KIAA1217: variants seen among roughly 807,000 people sequenced by gnomAD.
KIAA1217 encodes the protein KIAA1217.
KIAA1217 carries 88 observed loss-of-function variants against 163.9 expected under a neutral mutation model. That is an observed-to-expected ratio of 0.54 (90% CI 0.45 to 0.64). KIAA1217 has a LOEUF of 0.64. Ranked by LOEUF, KIAA1217 falls within the 30% of genes least tolerant of loss-of-function variation. The probability of loss-of-function intolerance (pLI) is 0.00; values close to 1 mark genes in which losing one functional copy is unlikely to be tolerated. For synonymous variants in KIAA1217, 903 were observed against 923.1 expected, an observed-to-expected ratio of 0.98 and a Z score of 0.39; for missense variants, 2,372 against 2,475.0, an observed-to-expected ratio of 0.96 and a Z score of 0.88.
intron 2 of KIAA1217, among the ~76,000 whole-genome samples, chr10:24,135,559 G>A (rs1378620839): frequency 1.3e-5 from 2 of 152,116 alleles, no homozygotes; most frequent in African/African-American, 2.4e-5. Flanking sequence ...ATGTTATTCC[G>A]GTGTGATCAC....
intron 2 of KIAA1217, among the ~76,000 whole-genome samples, chr10:24,286,843 A>C (rs1246014970): frequency 2.0e-5 from 3 of 152,074 alleles, no homozygotes; most frequent in Admixed American, 2.0e-4. Flanking sequence ...GACAAACAAA[A>C]ATACCCACAC....
intron 1 of KIAA1217, among the ~76,000 whole-genome samples, chr10:23,795,690 T>A (rs921303900): frequency 2.0e-5 from 3 of 152,174 alleles, no homozygotes; most frequent in Admixed American, 6.5e-5. Flanking sequence ...AGGTTTGGCC[T>A]ACAGGCATGA....
chr10:24,213,198 G>A (rs560921218), intron 1 of KIAA1217, among the ~76,000 whole-genome samples: 1 of 152,284 alleles, frequency 6.6e-6, no homozygotes, highest in Non-Finnish European at 1.5e-5. Flanking sequence ...TGCGGAGTAG[G>A]CACTCAACAA....
At chr10:23,878,083 G>T (rs1840776952) in intron 1 of KIAA1217, among the ~76,000 whole-genome samples, 1 of 151,744 alleles carries the variant, frequency 6.6e-6, no homozygotes, top group Admixed American at 6.6e-5. Flanking sequence ...TTTTTTCTTG[G>T]CAGGGAGGCT....
intron 9 of KIAA1217, among the ~76,000 whole-genome samples, chr10:24,503,847 G>T (rs948478810): frequency 6.6e-6 from 1 of 152,122 alleles, no homozygotes. Context: ...TGGCCATTTC[G>T]AAATTGTTAC....
intron 1 of KIAA1217, among the ~76,000 whole-genome samples, chr10:23,986,610 A>T (rs1304937725): frequency 6.6e-6 from 1 of 152,124 alleles, no homozygotes; most frequent in African/African-American, 2.4e-5. Flanking sequence ...TTTGATCCAC[A>T]GTTGGTTGAG....
chr10:23,799,644 GTTTTGAGGGAATCCAATAAACTGCCTC>G (rs755816232), intron 1 of KIAA1217, among the ~76,000 whole-genome samples: 25 of 152,134 alleles, frequency 1.6e-4, no homozygotes, highest in South Asian at 4.1e-4. Flanking sequence ...AATTTCTGAT[GTTTTGAGGGAATCCAATAAACTGCCTC>G]TATAATTTGT....
chr10:24,486,439 C>G (rs12767001), intron 6 of KIAA1217, among the ~76,000 whole-genome samples: 31,389 of 152,140 alleles, frequency 0.21, 3,462 homozygotes, highest in South Asian at 0.37. Flanking sequence ...TCTGAAGTAT[C>G]CTGGTGTGGA....
chr10:23,918,769 T>C (rs1284831713), intron 1 of KIAA1217, among the ~76,000 whole-genome samples: 1 of 146,120 alleles, frequency 6.8e-6, no homozygotes, highest in African/African-American at 2.8e-5. Flanking sequence ...CACACACATA[T>C]ATAGTAAGTG....
In KIAA1217 at chr10:23,790,506, T is replaced by C. The variant is rs548565726; in HGVS notation, c.-321+95272T>C. Among the ~76,000 whole-genome samples, 21 of 113,764 alleles carry C rather than the reference T, an allele frequency of 1.8e-4. 2 individuals are homozygous for C. The South Asian group carries it at 4.6e-3, about 25-fold the overall frequency. 74.6% of individuals were successfully genotyped at this position (113,764 alleles called of 152,430 possible). ...ATATATACATATATACATGTGCATA[T>C]ATACATATGTATATATACATATATA... On this transcript the variant is annotated intron_variant, in intron 1 of 18. Transcript: ENST00000376462.
intron 1 of KIAA1217, among the ~76,000 whole-genome samples, chr10:23,739,859 G>A (rs1839011016): frequency 6.6e-6 from 1 of 152,162 alleles, no homozygotes; most frequent in African/African-American, 2.4e-5. Context: ...TGGGAGTTCA[G>A]CTCTAGATAT....
chr10:24,315,638 T>TG (rs1185283654), intron 2 of KIAA1217, among the ~76,000 whole-genome samples: 1 of 151,944 alleles, frequency 6.6e-6, no homozygotes, highest in Non-Finnish European at 1.5e-5. Context: ...CCCAGCACTT[T>TG]GGGAGGCTGA....
At chr10:24,161,010 C>CT (rs1026893162) in intron 2 of KIAA1217, among the ~76,000 whole-genome samples, 26 of 152,218 alleles carry the variant, frequency 1.7e-4, no homozygotes, top group Admixed American at 2.0e-4. Flanking sequence ...GAGTGCTTGA[C>CT]TTTTAGTTTC....
chr10:24,028,983 C>T (rs916231893), intron 2 of KIAA1217, among the ~76,000 whole-genome samples: 3 of 152,084 alleles, frequency 2.0e-5, no homozygotes, highest in African/African-American at 7.2e-5. Context: ...TTAGGGGTCT[C>T]CTGAGGACAT....
intron 4 of KIAA1217, among the ~76,000 whole-genome samples, chr10:24,436,736 C>G (rs550486336): frequency 9.1e-6 from 1 of 109,844 alleles, no homozygotes; most frequent in Non-Finnish European, 1.7e-5. Flanking sequence ...CCAGCCTGGG[C>G]GACAGAGTGA....
chr10:23,704,146 A>ATGTGTGTGTGTG (rs1241004091), intron 1 of KIAA1217, among the ~76,000 whole-genome samples: 1 of 64,874 alleles, frequency 1.5e-5, no homozygotes, highest in African/African-American at 8.3e-5. Context: ...GTGTGTGTGT[A>ATGTGTGTGTGTG]TGTGTGTGTG....
chr10:24,174,653 T>C (rs1463711553), intron 2 of KIAA1217, among the ~76,000 whole-genome samples: 1 of 152,230 alleles, frequency 6.6e-6, no homozygotes, highest in Non-Finnish European at 1.5e-5. Context: ...ACTCAGTTTA[T>C]GGTATTTTGT....
intron 2 of KIAA1217, among the ~76,000 whole-genome samples, chr10:24,182,388 G>T (rs976974911): frequency 6.7e-6 from 1 of 150,368 alleles, no homozygotes; most frequent in Admixed American, 6.6e-5. Flanking sequence ...GCTGCAGTGA[G>T]CCAAGATCGC....
chr10:24,112,788 G>A (rs907243834), intron 2 of KIAA1217, among the ~76,000 whole-genome samples: 4 of 151,684 alleles, frequency 2.6e-5, no homozygotes, highest in African/African-American at 4.8e-5. Context: ...GGGTTTCACC[G>A]TGTTAGCCAG....
Sources: gnomAD v4.1 joint callset for allele counts (sites outside exome capture counted in the v4.1 genomes callset) on GRCh38, gnomAD v4.1.1 for gene constraint, MANE v1.5 for transcripts, NCBI Gene and HGNC (gene_info 2026-07-23, HGNC 2026-07-21) for gene names.